The following ACLY variants were observed in gnomAD, a reference collection of about 807,000 sequenced individuals.
ACLY encodes ATP-citrate synthase.
ACLY carries 41 observed loss-of-function variants against 133.0 expected under a neutral mutation model. The observed-to-expected ratio is 0.31, with a 90% CI of 0.24 to 0.40. The LOEUF (loss-of-function observed/expected upper bound fraction) is 0.40, where lower values mean the gene tolerates loss of function less well. ACLY is among the 10% of genes least tolerant of loss of function. The pLI is 1.00. For missense variants in ACLY, 1,046 were observed against 1,453.8 expected (o/e 0.72, Z 4.56); for synonymous variants, 495 against 549.3 (o/e 0.90, Z 1.38).
At chr17:41,887,127 GAAAAAA>G (rs535668437) in intron 17 of ACLY, among the ~76,000 whole-genome samples, 4 of 110,412 alleles carry the variant, frequency 3.6e-5, no homozygotes, top group African/African-American at 1.2e-4. Flanking sequence ...CCGTCTCAAA[GAAAAAA>G]AAAAAAAAAA....
rs782721249 is a variant in ACLY, at chr17:41,872,231, C to T, written c.2643-49G>A. The stretch of plus-strand genomic sequence containing the variant: ...AGGAGATGGTCGACAAGGCCATGCT[C>T]GTACTTTCCCCCATCTCCCTAAACA... On this transcript the variant is annotated intron_variant, in intron 23 of 28. Coordinates refer to ENST00000352035, the MANE Select transcript of ACLY (RefSeq NM_001096.3). 1.1e-5 allele frequency: 18 copies of T among 1,567,432 alleles called. No individual in the cohort carries two copies. In the East Asian group the frequency reaches 2.7e-4, roughly 24 times the overall value.
In ACLY at chr17:41,918,929, C is replaced by T; in HGVS notation, c.-73G>A. ...CTTCTTCCACAGGCCCGACGAACCC[C>T]GCAAAATCCGGAGCACCCCAGCAGC... is the stretch of plus-strand genomic sequence containing the variant. On this transcript the variant is annotated 5_prime_UTR_variant, in exon 1 of 29. Transcript: ENST00000352035. The T allele has an allele frequency of 7.8e-7, 1 of 1,289,224 alleles. No individual in the cohort carries two copies. Among genetic ancestry groups the T allele is most frequent in the South Asian group, 1.2e-5 (1 of 80,866 alleles). 79.9% of individuals were successfully genotyped at this position (1,289,224 alleles called of 1,614,324 possible).
chr17:41,906,436 C>T (rs373592488), intron 8 of ACLY, 92 bp downstream of exon 8: 1 of 1,152,376 alleles, frequency 8.7e-7, no homozygotes, highest in East Asian at 2.4e-5. Context: ...AATTCCCACA[C>T]CAAAGTGACA....
intron 17 of ACLY, among the ~76,000 whole-genome samples, chr17:41,886,878 C>T (rs1413410028): frequency 1.3e-5 from 2 of 152,110 alleles, no homozygotes; most frequent in Admixed American, 6.5e-5. Context: ...AATCCCAACA[C>T]TTTTGGAGGC....
intron 8 of ACLY, among the ~76,000 whole-genome samples, 182 bp downstream of exon 8, chr17:41,906,346 T>C (rs751872928): frequency 6.6e-6 from 1 of 152,212 alleles, no homozygotes; most frequent in African/African-American, 2.4e-5. Flanking sequence ...AAGAAGGTTA[T>C]AGAAGACACT....
intron 16 of ACLY, among the ~76,000 whole-genome samples, chr17:41,890,340 T>TG (rs1379298496): frequency 2.0e-5 from 3 of 151,940 alleles, no homozygotes; most frequent in Non-Finnish European, 4.4e-5. Context: ...AATGAAATGT[T>TG]GGAGTCTTTC....
chr17:41,885,428 G>A (rs1555627971), intron 18 of ACLY, among the ~76,000 whole-genome samples: 1 of 152,182 alleles, frequency 6.6e-6, no homozygotes, highest in Non-Finnish European at 1.5e-5. Flanking sequence ...AAGCCCGACA[G>A]CAGTAGTAAT....
At chr17:41,879,587 C>T (rs1284043844) in intron 20 of ACLY, among the ~76,000 whole-genome samples, 5 of 119,726 alleles carry the variant, frequency 4.2e-5, no homozygotes, top group Non-Finnish European at 8.0e-5. Context: ...GCTGAGGTTG[C>T]AGTGAGCCAA....
chr17:41,884,330 T>A, intron 18 of ACLY, 56 bp from the exon 19 acceptor site: 1 of 1,195,572 alleles, frequency 8.4e-7, no homozygotes, highest in African/African-American at 1.5e-5. Flanking sequence ...TGGGGAAGTG[T>A]GTACAGGGTT....
At chr17:41,897,675 G>A (rs1353920379) in intron 13 of ACLY, 74 bp downstream of exon 13, 17 of 1,411,544 alleles carry the variant, frequency 1.2e-5, no homozygotes, top group Admixed American at 1.1e-4. Flanking sequence ...AGGGGGGAAA[G>A]GGAAAGGGGA....
Position 41,912,316 on chromosome 17 carries a change from C to T in ACLY, c.282+104G>A, listed in dbSNP as rs2049926401. The T allele has an allele frequency of 8.1e-6, 12 of 1,486,562 alleles. No homozygotes were observed. In the South Asian group the frequency reaches 1.4e-4, roughly 18 times the overall value. 92.1% of individuals were successfully genotyped at this position (1,486,562 alleles called of 1,614,324 possible). ...CAGGACTCCTGCCTTCCCTGAGCTA[C>T]AATGAGACTGGCTGTGGGGGTGATC... On this transcript the variant is annotated intron_variant, in intron 3 of 28. Transcript: ENST00000352035.
intron 1 of ACLY, among the ~76,000 whole-genome samples, chr17:41,927,762 G>A (rs528895848): frequency 2.1e-4 from 32 of 152,074 alleles, no homozygotes; most frequent in Admixed American, 5.9e-4. Context: ...GGAGGCAGAG[G>A]TGGCAGTGAG....
chr17:41,909,093 C>G, intron 5 of ACLY, 25 bp from the exon 6 acceptor site: 3 of 1,583,228 alleles, frequency 1.9e-6, no homozygotes, highest in Non-Finnish European at 1.7e-6. Flanking sequence ...GAGAGAGGGA[C>G]AGTTCATCCA....
Position 41,912,488 on chromosome 17 carries a change from C to A in ACLY, c.214G>T (p.Val72Phe). The change falls in exon 3 of 29, where the codon GTT becomes TTT. Residue 72 changes from valine to phenylalanine, a missense_variant. Around this residue, in one of 4 missense-constraint regions of ACLY, gnomAD observed 227 missense variants for 245.6 expected, o/e 0.92. Coordinates refer to ENST00000352035, the MANE Select transcript of ACLY (RefSeq NM_001096.3). ...LIKRRGKLGL[V>F]GVNLTLDGVK... is the part of the protein sequence containing the mutation. ...CCATCCAGAGTGAGGTTGACCCCAA[C>A]GAGACCAAGTTTTCCACGACGTTTG... The A allele has an allele frequency of 1.2e-6, 2 of 1,614,222 alleles. No individual in the cohort carries two copies. The highest frequency in any genetic ancestry group is 1.7e-6 in the Non-Finnish European group (2 of 1,180,036).
chr17:41,874,010 C>G, intron 22 of ACLY, 45 bp from the exon 23 acceptor site: 1 of 1,539,780 alleles, frequency 6.5e-7, no homozygotes, highest in Non-Finnish European at 8.8e-7. Context: ...TGGTGACCAC[C>G]ACAGATTTTT....
At position 41,901,399 on chromosome 17, in the gene ACLY, T is replaced by C. The variant is rs546988857; in HGVS notation, c.1183+297A>G. Among the ~76,000 whole-genome samples the C allele has an allele frequency of 7.2e-5, 11 of 152,300 alleles. 1 individual carries two copies. The East Asian group carries it at 2.1e-3, about 29-fold the overall frequency. Reference sequence around the variant, plus strand: ...TTTGTGTCCTCCGTTCCATCAAGGCTTGCTGTCTGTCCATTTGTGGCTGTA... The same window carrying C: ...TTTGTGTCCTCCGTTCCATCAAGGCCTGCTGTCTGTCCATTTGTGGCTGTA... On this transcript the variant is annotated intron_variant, in intron 11 of 28. Transcript: ENST00000352035.
upstream of ACLY, among the ~76,000 whole-genome samples, chr17:41,920,363 G>A (rs1170250983): frequency 6.6e-6 from 1 of 152,100 alleles, no homozygotes; most frequent in African/African-American, 2.4e-5. Flanking sequence ...ACTTTGGAAG[G>A]CCAAGGTGGG....
chr17:41,909,392 G>A (rs919757011), intron 5 of ACLY, 118 bp downstream of exon 5: 3 of 1,124,172 alleles, frequency 2.7e-6, no homozygotes, highest in Middle Eastern at 2.2e-4. Flanking sequence ...TCAGGACAGG[G>A]CCGTGTCTAC....
At chr17:41,869,238 AC>A in intron 26 of ACLY, 113 bp from the exon 27 acceptor site, 1 of 1,026,604 alleles carries the variant, frequency 9.7e-7, no homozygotes, top group Non-Finnish European at 1.5e-6. Flanking sequence ...AAAACCTTCT[AC>A]CAGCCCCACT....
Sources: gnomAD v4.1 joint callset for allele counts (sites outside exome capture counted in the v4.1 genomes callset) on GRCh38, gnomAD v4.1.1 for gene constraint, gnomAD v4.1.1 regional missense constraint, MANE v1.5 for transcripts, NCBI Gene and HGNC (gene_info 2026-07-23, HGNC 2026-07-21) for gene names.